Variants in AHDC1 observed in about 807,000 individuals in gnomAD.
AHDC1 encodes AT-hook DNA binding motif containing 1, also known as transcription factor Gibbin.
A neutral mutation model predicts 87.9 loss-of-function variants in AHDC1; 7 were observed. The observed-to-expected ratio is 0.08, with a 90% CI of 0.05 to 0.15. The LOEUF (loss-of-function observed/expected upper bound fraction) is 0.15, where lower values mean the gene tolerates loss of function less well. Among genes scored for constraint, AHDC1 ranks in the 10% least tolerant of loss-of-function variants. The pLI, the probability that AHDC1 is intolerant of heterozygous loss-of-function variation, is 1.00. For missense variants in AHDC1, 1,841 were observed against 2,253.2 expected (o/e 0.82, Z 3.70); for synonymous variants, 1,051 against 1,006.8 (o/e 1.04, Z -0.83).
At chr1:27,556,132 C>T (rs2019805154) in intron 5 of AHDC1, among the ~76,000 whole-genome samples, 1 of 152,110 alleles carries the variant, frequency 6.6e-6, no homozygotes. Flanking sequence ...ACCTGCTGTG[C>T]ACAGTGCCGG....
Position 27,547,855 on chromosome 1 carries a change from C to T in AHDC1, c.4261G>A (p.Ala1421Thr), listed in dbSNP as rs750886804. 6.5e-7 allele frequency: 1 copy of T among 1,548,322 alleles called. No homozygotes were observed. The highest frequency in any genetic ancestry group is 1.2e-5 in the South Asian group (1 of 81,604). ...ELRPPPTKLAACEPLKHGLQG... is the reference protein window; with the variant it reads ...ELRPPPTKLATCEPLKHGLQG... ...AGTCCATGCTTGAGGGGCTCGCAGG[C>T]AGCCAGCTTTGTGGGCGGTGGCCGC... Residue 1421 changes from alanine (A) to threonine (T), a missense_variant, in exon 8 of 9, where the codon GCC (alanine) becomes ACC (threonine). Physicochemically the swap from Ala to Thr is moderately conservative, Grantham distance 58. Transcript: ENST00000673934. The surrounding 1 kb of genome is among the most constrained non-coding windows in gnomAD (Gnocchi z 4.9).
chr1:27,579,124 A>C (rs1486526744), intron 3 of AHDC1, among the ~76,000 whole-genome samples: 1 of 150,260 alleles, frequency 6.7e-6, no homozygotes, highest in Admixed American at 6.7e-5. Flanking sequence ...AGCTCACTGC[A>C]GCCTCAATCT....
chr1:27,576,953 C>T (rs551007865), intron 3 of AHDC1, among the ~76,000 whole-genome samples: 1 of 152,276 alleles, frequency 6.6e-6, no homozygotes, highest in South Asian at 2.1e-4. Flanking sequence ...CACCGCCTGC[C>T]CACACCCCCC....
chr1:27,546,718 C>T (rs568384274), intron 8 of AHDC1, among the ~76,000 whole-genome samples: 4 of 152,164 alleles, frequency 2.6e-5, no homozygotes, highest in African/African-American at 4.8e-5. Flanking sequence ...TGTGTGACCA[C>T]GCCACACTGG....
rs2019574656 is a variant in AHDC1, at chr1:27,551,677, A to G, written c.439T>C (p.Cys147Arg). The G allele has an allele frequency of 6.2e-7, 1 of 1,613,618 alleles. No homozygotes were observed. Among genetic ancestry groups the G allele is most frequent in the Non-Finnish European group, 8.5e-7 (1 of 1,179,952 alleles). Reference protein sequence around the residue: ...DLQHSGVHLDCGGLRLSRPPA... With the variant: ...DLQHSGVHLDRGGLRLSRPPA... ...GGGCGGCTCAGTCGGAGCCCACCAC[A>G]GTCCAGGTGTACACCACTGTGCTGC... The change falls in exon 8 of 9, where the codon TGT becomes CGT. Residue 147 changes from cysteine to arginine, a missense_variant. Around this residue, in one of 13 missense-constraint regions of AHDC1, gnomAD observed 50 missense variants for 104.3 expected, o/e 0.48. Coordinates refer to ENST00000673934, the MANE Select transcript of AHDC1 (RefSeq NM_001371928.1).
intron 3 of AHDC1, among the ~76,000 whole-genome samples, chr1:27,569,530 TAATTCTCC>T (rs1475052967): frequency 6.6e-6 from 1 of 152,084 alleles, no homozygotes; most frequent in Non-Finnish European, 1.5e-5. Flanking sequence ...AGTTGAGGTG[TAATTCTCC>T]ACCCCAAACA....
At chr1:27,591,369 T>C (rs1053622642) in intron 3 of AHDC1, among the ~76,000 whole-genome samples, 2 of 152,204 alleles carry the variant, frequency 1.3e-5, no homozygotes, top group African/African-American at 4.8e-5. Flanking sequence ...GCCCTGCAGC[T>C]CACAGGGTGT....
rs1259481348 is a variant in AHDC1, at chr1:27,598,130, A to G, written c.-629+5267T>C. Among the ~76,000 whole-genome samples, 1 of 152,036 alleles carries G rather than the reference A, an allele frequency of 6.6e-6. No homozygotes were observed. Among genetic ancestry groups the G allele is most frequent in the Non-Finnish European group, 1.5e-5 (1 of 68,004 alleles). Reference sequence around the variant, plus strand: ...GCCTCTCCTGGCTCAGGGGGTGGGGAGGGGGTGCAGAGCTGCAGCTTCTGG... The same window carrying G: ...GCCTCTCCTGGCTCAGGGGGTGGGGGGGGGGTGCAGAGCTGCAGCTTCTGG... On this transcript the variant is annotated intron_variant, in intron 3 of 8. Coordinates refer to ENST00000673934, the MANE Select transcript of AHDC1 (RefSeq NM_001371928.1). The surrounding 1 kb of genome is among the most constrained non-coding windows in gnomAD (Gnocchi z 4.2).
intron 3 of AHDC1, among the ~76,000 whole-genome samples, chr1:27,569,899 T>TG (rs2020493930): frequency 6.6e-6 from 1 of 152,008 alleles, no homozygotes; most frequent in Non-Finnish European, 1.5e-5. Context: ...GCACCTTTCC[T>TG]GGGGGAGGCG....
chr1:27,556,935 T>C (rs2019842244), intron 5 of AHDC1, among the ~76,000 whole-genome samples: 3 of 151,668 alleles, frequency 2.0e-5, no homozygotes, highest in African/African-American at 4.8e-5. Flanking sequence ...TTGGAGCCAC[T>C]GATGCCCCCA....
chr1:27,534,263 TTTTTTTTTG>T lies in AHDC1; in HGVS notation c.*688_*696del, dbSNP rs1207938930. 8.6e-5 allele frequency: 13 copies of T among 150,496 alleles called. No individual in the cohort carries two copies. 9.3% of individuals were successfully genotyped at this position (150,496 alleles called of 1,614,324 possible). On this transcript the variant is annotated 3_prime_UTR_variant, in exon 9 of 9. Transcript: ENST00000673934. ...CACAAGGTTGGTTTTTTTTTTTTGT[TTTTTTTTTG>T]TTTTTTTTTTGCTTTTTTTCATTTC...
In AHDC1 at chr1:27,598,226, G is replaced by A. The variant is rs1319180466; in HGVS notation, c.-629+5171C>T. On this transcript the variant is annotated intron_variant, in intron 3 of 8. Coordinates refer to ENST00000673934, the MANE Select transcript of AHDC1 (RefSeq NM_001371928.1). The surrounding 1 kb of genome is among the most constrained non-coding windows in gnomAD (Gnocchi z 4.2). The stretch of plus-strand genomic sequence containing the variant: ...AGCTGCAGAAGCAGCCCCTCCCCTG[G>A]GCTCCCAGGCCAAGGACCCCAGAGC... Among the ~76,000 whole-genome samples the A allele has an allele frequency of 6.6e-6, 1 of 152,220 alleles. No individual in the cohort carries two copies. Among genetic ancestry groups the A allele is most frequent in the African/African-American group, 2.4e-5 (1 of 41,450 alleles).
intron 3 of AHDC1, among the ~76,000 whole-genome samples, chr1:27,581,613 C>A (rs761094909): frequency 7.2e-5 from 11 of 152,326 alleles, no homozygotes; most frequent in African/African-American, 1.9e-4. Flanking sequence ...TCATGTCTCA[C>A]CTACTTGGCC....
At chr1:27,570,228 C>G (rs1366097887) in intron 3 of AHDC1, among the ~76,000 whole-genome samples, 1 of 151,932 alleles carries the variant, frequency 6.6e-6, no homozygotes, top group Non-Finnish European at 1.5e-5. Context: ...CAGATACCTC[C>G]GCCCAAGCAG....
chr1:27,550,669 C>A lies in AHDC1; in HGVS notation c.1447G>T (p.Val483Leu). The A allele has an allele frequency of 6.2e-7, 1 of 1,613,194 alleles. No individual in the cohort carries two copies. Among genetic ancestry groups the A allele is most frequent in the Non-Finnish European group, 8.5e-7 (1 of 1,179,882 alleles). ...GTCTTGTTCCGCCGCCCCAGCGATA[C>A]GGGGATCTTGGCCATCTTCACCACC... The part of the protein sequence containing the change: ...RMVVKMAKIP[V>L]SLGRRNKTTY... Residue 483 changes from valine to leucine, a missense_variant, in exon 8 of 9, where the codon GTA (valine) becomes TTA (leucine). Physicochemically the swap from Val to Leu is conservative, Grantham distance 32. Coordinates refer to ENST00000673934, the MANE Select transcript of AHDC1 (RefSeq NM_001371928.1).
intron 3 of AHDC1, among the ~76,000 whole-genome samples, chr1:27,570,380 C>G (rs2020515183): frequency 6.6e-6 from 1 of 151,834 alleles, no homozygotes; most frequent in African/African-American, 2.4e-5. Flanking sequence ...GACAGGAGGG[C>G]TTTTAGAGAC....
At chr1:27,571,856 G>A (rs1011786030) in intron 3 of AHDC1, among the ~76,000 whole-genome samples, 1 of 152,148 alleles carries the variant, frequency 6.6e-6, no homozygotes, top group Non-Finnish European at 1.5e-5. Flanking sequence ...CACACACTCC[G>A]CCTGTTCTGG....
intron 8 of AHDC1, among the ~76,000 whole-genome samples, chr1:27,544,349 G>C (rs975814630): frequency 4.9e-4 from 74 of 152,298 alleles, no homozygotes; most frequent in Non-Finnish European, 8.4e-4. Flanking sequence ...CTGCCTCTGG[G>C]CACCTGCCAC....
Position 27,549,802 on chromosome 1 carries a change from T to C in AHDC1, c.2314A>G (p.Lys772Glu), listed in dbSNP as rs768152983. Residue 772 changes from lysine to glutamate, a missense_variant, in exon 8 of 9, where the codon AAG becomes GAG. Physicochemically the swap from Lys to Glu is moderately conservative, Grantham distance 56 (BLOSUM62 1). This residue lies in a region of AHDC1 where 236 missense variants were observed against 257.9 expected (regional missense o/e 0.92). Coordinates refer to ENST00000673934, the MANE Select transcript of AHDC1 (RefSeq NM_001371928.1). ...TGGTGAGGGGCCCAGCCACCACCCT[T>C]ATCCCCGGCCCACTCAGCACCTGCC... ...GEAGAEWAGDKGGGWAPHHGH... is the reference protein window; with the variant it reads ...GEAGAEWAGDEGGGWAPHHGH... 6 of 1,613,382 alleles carry C rather than the reference T, an allele frequency of 3.7e-6. No homozygotes were observed. Among genetic ancestry groups the C allele is most frequent in the Middle Eastern group, 3.3e-4 (2 of 6,084 alleles).
Sources: allele counts gnomAD v4.1 joint callset (sites outside exome capture counted in the v4.1 genomes callset), GRCh38; gene constraint gnomAD v4.1.1; regional missense constraint gnomAD v4.1.1; non-coding constraint Gnocchi (gnomAD v3.1); transcripts MANE v1.5; gene names NCBI Gene and HGNC (gene_info 2026-07-23, HGNC 2026-07-21).